SPATA1: variants seen among roughly 807,000 people sequenced by gnomAD.
The protein encoded by SPATA1 is spermatogenesis-associated protein 1.
Under a neutral mutation model 59.6 loss-of-function variants are expected in SPATA1, and 57 were observed. That is an observed-to-expected ratio of 0.96 (90% CI 0.77 to 1.19). The LOEUF (loss-of-function observed/expected upper bound fraction) is 1.19. Ranked by LOEUF, SPATA1 falls within the 50% of genes most tolerant of loss-of-function variation. The probability of loss-of-function intolerance (pLI) is 0.00; values close to 1 mark genes in which losing one functional copy is unlikely to be tolerated. For missense variants in SPATA1, 448 were observed against 480.7 expected (o/e 0.93, Z 0.64); for synonymous variants, 147 against 163.9 (o/e 0.90, Z 0.79).
At chr1:84,558,544 G>A (rs1264492091), downstream of SPATA1, among the ~76,000 whole-genome samples, 3 of 150,760 alleles carry the variant, frequency 2.0e-5, no homozygotes, top group Non-Finnish European at 4.4e-5. Flanking sequence ...GCCCGCCTCA[G>A]CCTCCCAAAG....
intron 10 of SPATA1, 120 bp downstream of exon 10, chr1:84,545,879 A>AGT: frequency 1.4e-6 from 1 of 736,176 alleles, no homozygotes; most frequent in Non-Finnish European, 1.9e-6. Flanking sequence ...TTTTAGTTTA[A>AGT]GTGGTACATG....
At chr1:84,561,386 G>A (rs1195258537) in intron 4 of SPATA1, among the ~76,000 whole-genome samples, 1 of 152,198 alleles carries the variant, frequency 6.6e-6, no homozygotes, top group African/African-American at 2.4e-5. Flanking sequence ...GAATAGATGA[G>A]GAGCTACTTC....
intron 1 of SPATA1, among the ~76,000 whole-genome samples, chr1:84,509,323 G>A (rs1410542983): frequency 6.6e-6 from 1 of 152,172 alleles, no homozygotes; most frequent in East Asian, 1.9e-4. Flanking sequence ...TTGGAGAAAG[G>A]ACAGTCCCTC....
rs113259471 is a variant in SPATA1, at chr1:84,509,925, C to T, written c.-138+3507C>T. Among the ~76,000 whole-genome samples, 582 of 152,222 alleles carry T rather than the reference C, an allele frequency of 3.8e-3. 2 individuals are homozygous for T. The highest frequency in any genetic ancestry group is 0.013 in the African/African-American group (560 of 41,530). ...GCACAGGGCCAGGCACGGTGGCTTA[C>T]GCTTGTAATCCCAGCACTTTGGGAG... On this transcript the variant is annotated intron_variant, in intron 1 of 12. Coordinates refer to ENST00000490879, the Ensembl canonical transcript of SPATA1.
At chr1:84,561,673 G>A (rs1338921721) in intron 4 of SPATA1, among the ~76,000 whole-genome samples, 1 of 152,110 alleles carries the variant, frequency 6.6e-6, no homozygotes. Context: ...TTAAGAAATT[G>A]CCATAGCCAC....
downstream of SPATA1, among the ~76,000 whole-genome samples, chr1:84,555,704 T>C (rs1684409683): frequency 6.6e-6 from 1 of 152,218 alleles, no homozygotes; most frequent in South Asian, 2.1e-4. Context: ...TCTGAATCAC[T>C]TGCGGAGCTT....
chr1:84,506,965 C>T (rs1026378079), intron 1 of SPATA1: 5 of 152,202 alleles, frequency 3.3e-5, no homozygotes, highest in Non-Finnish European at 7.3e-5. Context: ...GCTTATTGTA[C>T]TTTTTAAAAT....
chr1:84,547,002 A>C (rs1006979683), intron 10 of SPATA1, among the ~76,000 whole-genome samples: 4 of 152,190 alleles, frequency 2.6e-5, no homozygotes, highest in African/African-American at 9.7e-5. Context: ...TAAGGATAAA[A>C]GGTATCTATG....
chr1:84,525,080 G>A (rs562813251), intron 4 of SPATA1, among the ~76,000 whole-genome samples: 44 of 152,182 alleles, frequency 2.9e-4, no homozygotes, highest in African/African-American at 9.4e-4. Flanking sequence ...AGGTTCAAGC[G>A]ATTCTCCTGC....
At chr1:84,510,124 G>A (rs1251841064) in intron 1 of SPATA1, among the ~76,000 whole-genome samples, 1 of 152,118 alleles carries the variant, frequency 6.6e-6, no homozygotes, top group Non-Finnish European at 1.5e-5. Context: ...CTGTGATCAT[G>A]CCACTGCACT....
At chr1:84,529,079 T>G (rs1683351820) in intron 6 of SPATA1, among the ~76,000 whole-genome samples, 1 of 150,660 alleles carries the variant, frequency 6.6e-6, no homozygotes, top group African/African-American at 2.5e-5. Context: ...GAACTAGTAC[T>G]GACATTAATA....
intron 8 of SPATA1, among the ~76,000 whole-genome samples, chr1:84,542,287 GT>G (rs1039757086): frequency 1.3e-5 from 2 of 152,098 alleles, no homozygotes; most frequent in Non-Finnish European, 2.9e-5. Context: ...AAATGGGTAT[GT>G]TTTCTTTGGA....
At chr1:84,555,907 T>C (rs1684416254), downstream of SPATA1, 1 of 152,280 alleles carries the variant, frequency 6.6e-6, no homozygotes, top group Admixed American at 6.5e-5. Context: ...GTATTCTCTG[T>C]AGTTGCTAGA....
intron 4 of SPATA1, among the ~76,000 whole-genome samples, chr1:84,525,426 G>A (rs80204244): frequency 0.011 from 1,693 of 152,288 alleles, 11 homozygotes; most frequent in Non-Finnish European, 0.017. Flanking sequence ...TTTACTAAGT[G>A]TAAAGCACTT....
chr1:84,563,532 T>A, intron 4 of SPATA1: 1 of 783,986 alleles, frequency 1.3e-6, no homozygotes, highest in Non-Finnish European at 1.8e-6. Flanking sequence ...AAAACCTGAC[T>A]ATACAGAAAA....
chr1:84,567,337 T>C (rs1305859171), downstream of SPATA1, among the ~76,000 whole-genome samples: 2 of 152,208 alleles, frequency 1.3e-5, no homozygotes, highest in African/African-American at 2.4e-5. Flanking sequence ...ATTATAGTAA[T>C]AGAGAAAAAT....
chr1:84,567,312 C>T (rs775922475), downstream of SPATA1, among the ~76,000 whole-genome samples: 4 of 152,098 alleles, frequency 2.6e-5, no homozygotes, highest in Non-Finnish European at 5.9e-5. Context: ...CCTCTTATTA[C>T]AAAATGAGAG....
At chr1:84,564,676 G>T (rs2911584) in intron 4 of SPATA1, among the ~76,000 whole-genome samples, 150,390 of 152,262 alleles carry the variant, frequency 0.99, 74,300 homozygotes, top group East Asian at 1. Flanking sequence ...ATAATGTCTT[G>T]CCTGAAACAC....
intron 8 of SPATA1, among the ~76,000 whole-genome samples, chr1:84,541,528 T>C (rs1038299248): frequency 1.3e-5 from 2 of 152,278 alleles, no homozygotes; most frequent in African/African-American, 4.8e-5. Flanking sequence ...TCTGAGAGAA[T>C]TTCTTTTTCT....
Sources: allele counts gnomAD v4.1 joint callset (sites outside exome capture counted in the v4.1 genomes callset), GRCh38; gene constraint gnomAD v4.1.1; transcripts MANE v1.5; gene names NCBI Gene and HGNC (gene_info 2026-07-23, HGNC 2026-07-21).